The following FRAS1 variants were observed in gnomAD, a reference collection of about 807,000 sequenced individuals.
FRAS1 encodes the protein extracellular matrix organizing protein FRAS1.
In FRAS1, 290 loss-of-function variants were observed where a neutral mutation model predicts 435.2. The ratio of observed to expected loss-of-function variants is 0.67; its 90% CI spans 0.61 to 0.73. The LOEUF is 0.73. Ranked by LOEUF, FRAS1 falls within the 30% of genes least tolerant of loss-of-function variation. The probability of loss-of-function intolerance (pLI) is 0.00; values close to 1 mark genes in which losing one functional copy is unlikely to be tolerated. For missense variants in FRAS1, 4,860 were observed against 5,001.5 expected (o/e 0.97, Z 0.85); for synonymous variants, 1,800 against 1,851.0 (o/e 0.97, Z 0.71).
intron 9 of FRAS1, among the ~76,000 whole-genome samples, chr4:78,271,214 A>G (rs1400167377): frequency 2.7e-4 from 41 of 152,184 alleles, no homozygotes; most frequent in Admixed American, 2.7e-3. Context: ...TGGTTTCTAC[A>G]CTTTTAAATA....
intron 2 of FRAS1, among the ~76,000 whole-genome samples, chr4:78,135,737 G>T (rs1719890919): frequency 6.6e-6 from 1 of 152,132 alleles, no homozygotes; most frequent in Non-Finnish European, 1.5e-5. Flanking sequence ...ACTGCACATG[G>T]TTGGGCAGAT....
Position 78,303,517 on chromosome 4 carries a change from A to G in FRAS1, c.1535-4549A>G, listed in dbSNP as rs532418020. On this transcript the variant is annotated intron_variant, in intron 14 of 73. Coordinates refer to ENST00000512123, the MANE Select transcript of FRAS1 (RefSeq NM_025074.7). ...ATGGAATGTTCTTCCATTTGTTTGT[A>G]TCCTCTTTGACTTCCTTGAGCAGTG... Among the ~76,000 whole-genome samples the G allele has an allele frequency of 5.2e-4, 79 of 152,156 alleles. No individual in the cohort carries two copies. In the Middle Eastern group the frequency reaches 0.014, roughly 26 times the overall value.
At chr4:78,534,251 A>G (rs1721815064) in intron 70 of FRAS1, among the ~76,000 whole-genome samples, 198 bp from the exon 71 acceptor site, 1 of 152,222 alleles carries the variant, frequency 6.6e-6, no homozygotes, top group African/African-American at 2.4e-5. Context: ...TTTTAAGACT[A>G]ATTATTTCTG....
rs900480992 is a variant in FRAS1 at position 78,101,655 on chromosome 4, C to T, written c.108+35639C>T. ...ACTGAGAATTTCCAGGCCTGATATT[C>T]TTGGACAATATTATGGCCCAATTTC... On this transcript the variant is annotated intron_variant, in intron 2 of 73. Coordinates refer to ENST00000512123, the MANE Select transcript of FRAS1 (RefSeq NM_025074.7). Among the ~76,000 whole-genome samples the T allele has an allele frequency of 2.6e-5, 4 of 152,092 alleles. 1 individual carries two copies. In the South Asian group the frequency reaches 8.3e-4, roughly 32 times the overall value.
Position 78,143,843 on chromosome 4 carries a change from G to A in FRAS1, c.108+77827G>A, listed in dbSNP as rs538567498. Reference sequence around the variant, plus strand: ...TGCTTGAGCCCAGGGGACAAAGGTTGAAGTGACTCAAGATAGCGCCACTGC... The same window carrying A: ...TGCTTGAGCCCAGGGGACAAAGGTTAAAGTGACTCAAGATAGCGCCACTGC... On this transcript the variant is annotated intron_variant, in intron 2 of 73. Transcript: ENST00000512123. Among the ~76,000 whole-genome samples, 5 of 148,400 alleles carry A rather than the reference G, an allele frequency of 3.4e-5. No individual in the cohort carries two copies. The East Asian group carries it at 1.0e-3, about 30-fold the overall frequency.
intron 1 of FRAS1, among the ~76,000 whole-genome samples, chr4:78,058,352 G>A (rs911137776): frequency 2.6e-5 from 4 of 152,146 alleles, no homozygotes; most frequent in Admixed American, 2.0e-4. Context: ...GGTGGCCGAT[G>A]GAGGTGACAT....
rs1720039070 is a variant in FRAS1, at chr4:78,482,431, T to C, written c.8648T>C (p.Ile2883Thr). ...TTGGATGACACTCAGTATCCGGTAATTGAAGGACTGGAGACATTTGTGGTT... is the reference window on the plus strand; with the variant it reads ...TTGGATGACACTCAGTATCCGGTAACTGAAGGACTGGAGACATTTGTGGTT... ...TILDDTQYPV[I>T]EGLETFVVFL... is the part of the protein sequence containing the mutation. Residue 2883 changes from isoleucine (I) to threonine (T), a missense_variant, in exon 58 of 74, where the codon ATT becomes ACT. Transcript: ENST00000512123. 4 of 1,613,786 alleles carry C rather than the reference T, an allele frequency of 2.5e-6. No homozygotes were observed. Among genetic ancestry groups the C allele is most frequent in the Non-Finnish European group, 3.4e-6 (4 of 1,179,832 alleles).
rs1496599 is a variant in FRAS1, at chr4:78,522,949, A to G, written c.10808+141A>G. The G allele has an allele frequency of 2.4e-5, 20 of 824,896 alleles. No individual in the cohort carries two copies. The African/African-American group carries it at 3.4e-4, about 14-fold the overall frequency. The allele number at this position is 824,896 out of a possible 1,614,324, so 51.1% of individuals were successfully genotyped here. The stretch of plus-strand genomic sequence containing the variant: ...TTGATAGAAATAACCCTCAGCTGGG[A>G]GTAGTGGTGCTAGCTGGTAGCCCAG... On this transcript the variant is annotated intron_variant, in intron 69 of 73. Coordinates refer to ENST00000512123, the MANE Select transcript of FRAS1 (RefSeq NM_025074.7).
At chr4:78,475,405 T>C in intron 53 of FRAS1, 33 bp from the exon 54 acceptor site, 2 of 1,612,848 alleles carry the variant, frequency 1.2e-6, no homozygotes, top group Non-Finnish European at 1.7e-6. Flanking sequence ...CCATGGGGCA[T>C]AGTTTAAGAG....
In FRAS1 at chr4:78,421,956, C is replaced by T. The variant is rs201675499; in HGVS notation, c.4634C>T (p.Pro1545Leu). 439 of 1,613,642 alleles carry T rather than the reference C, an allele frequency of 2.7e-4. 1 individual carries two copies. Among genetic ancestry groups the T allele is most frequent in the African/African-American group, 2.0e-3 (150 of 75,034 alleles). ...NQGKVMYRPPPAAPHLQELMA... is the reference protein window; with the variant it reads ...NQGKVMYRPPLAAPHLQELMA... ...GGCAAAGTCATGTACCGCCCTCCCCCGGCAGCACCCCACCTCCAGGAGCTC... is the reference window on the plus strand; with the variant it reads ...GGCAAAGTCATGTACCGCCCTCCCCTGGCAGCACCCCACCTCCAGGAGCTC... The change falls in exon 34 of 74, where the codon CCG becomes CTG. Residue 1545 changes from proline to leucine, a missense_variant. Physicochemically the swap from Pro to Leu is moderately conservative, Grantham distance 98 (BLOSUM62 -3). Coordinates refer to ENST00000512123, the MANE Select transcript of FRAS1 (RefSeq NM_025074.7).
chr4:78,341,456 A>T lies in FRAS1; in HGVS notation c.2422+3639A>T, dbSNP rs566796454. On this transcript the variant is annotated intron_variant, in intron 20 of 73. Coordinates refer to ENST00000512123, the MANE Select transcript of FRAS1 (RefSeq NM_025074.7). Reference sequence around the variant, plus strand: ...ACACTGAGGCAGAAAGTTCTTTAGGAGGTAGCTGCAGAAATCCAGATGAGA... The same window carrying T: ...ACACTGAGGCAGAAAGTTCTTTAGGTGGTAGCTGCAGAAATCCAGATGAGA... Among the ~76,000 whole-genome samples, 4 of 152,280 alleles carry T rather than the reference A, an allele frequency of 2.6e-5. No individual in the cohort carries two copies. In the South Asian group the frequency reaches 8.3e-4, roughly 32 times the overall value.
intron 14 of FRAS1, among the ~76,000 whole-genome samples, chr4:78,299,537 A>G (rs1005650455): frequency 6.6e-6 from 1 of 152,182 alleles, no homozygotes; most frequent in Non-Finnish European, 1.5e-5. Flanking sequence ...CTGCGCTGCT[A>G]TTCAGCCAGT....
At chr4:78,082,585 T>G (rs1470934786) in intron 2 of FRAS1, among the ~76,000 whole-genome samples, 1 of 152,086 alleles carries the variant, frequency 6.6e-6, no homozygotes, top group Non-Finnish European at 1.5e-5. Flanking sequence ...TCATCCAGGA[T>G]GCATATTATT....
intron 14 of FRAS1, among the ~76,000 whole-genome samples, chr4:78,290,017 T>C (rs1472264090): frequency 6.6e-6 from 1 of 152,170 alleles, no homozygotes; most frequent in Non-Finnish European, 1.5e-5. Context: ...CTTTCTTGCT[T>C]GTCTTGCCCC....
intron 47 of FRAS1, among the ~76,000 whole-genome samples, chr4:78,458,862 A>G (rs1313958564): frequency 6.6e-6 from 1 of 152,224 alleles, no homozygotes; most frequent in African/African-American, 2.4e-5. Flanking sequence ...TGACAAAAAA[A>G]TACAATGAAA....
chr4:78,336,798 C>A (rs1020545530), intron 19 of FRAS1, among the ~76,000 whole-genome samples: 2 of 152,188 alleles, frequency 1.3e-5, no homozygotes, highest in African/African-American at 4.8e-5. Context: ...CCCTTCACAT[C>A]CCCTCCTCTT....
intron 2 of FRAS1, among the ~76,000 whole-genome samples, chr4:78,169,126 C>T (rs1441563333): frequency 6.6e-6 from 1 of 152,080 alleles, no homozygotes; most frequent in African/African-American, 2.4e-5. Flanking sequence ...TCCTTGAGTA[C>T]AATTGACTTG....
chr4:78,478,112 T>C (rs781705412), intron 55 of FRAS1, 51 bp downstream of exon 55: 85 of 1,514,966 alleles, frequency 5.6e-5, no homozygotes, highest in Non-Finnish European at 7.3e-5. Context: ...CTAACATTTA[T>C]TGAGTTCCTA....
Position 78,537,082 on chromosome 4 carries a change from G to T in FRAS1, c.11180G>T (p.Cys3727Phe), listed in dbSNP as rs753412794. 6.2e-7 allele frequency: 1 copy of T among 1,613,982 alleles called. No homozygotes were observed. Among genetic ancestry groups the T allele is most frequent in the Admixed American group, 1.7e-5 (1 of 60,032 alleles). The stretch of plus-strand genomic sequence containing the variant: ...CTCCAGCTGGAGAAAGTCTATCTTT[G>T]TACGGGCAAGGATGGTTATGTGCCT... ...YKLQLEKVYLCTGKDGYVPFF... is the reference protein window; with the variant it reads ...YKLQLEKVYLFTGKDGYVPFF... Residue 3727 changes from cysteine to phenylalanine, a missense_variant, in exon 72 of 74, where the codon TGT becomes TTT. Coordinates refer to ENST00000512123, the MANE Select transcript of FRAS1 (RefSeq NM_025074.7).
Sources: allele counts gnomAD v4.1 joint callset (sites outside exome capture counted in the v4.1 genomes callset), GRCh38; gene constraint gnomAD v4.1.1; transcripts MANE v1.5; gene names NCBI Gene and HGNC (gene_info 2026-07-23, HGNC 2026-07-21).